Variants in DAO observed in about 807,000 individuals in gnomAD.
The protein encoded by DAO is D-amino acid oxidase, also known as D-amino-acid oxidase.
In DAO, 51 loss-of-function variants were observed where a neutral mutation model predicts 50.1. That is an observed-to-expected ratio of 1.02 (90% CI 0.81 to 1.29). DAO has a LOEUF of 1.29. DAO is among the 50% of genes most tolerant of loss of function. DAO has a pLI of 0.00. For synonymous variants in DAO, 160 were observed against 166.2 expected (o/e 0.96, Z 0.29); for missense variants, 436 against 439.4 (o/e 0.99, Z 0.07).
chr12:108,892,368 G>A lies in DAO; in HGVS notation c.453-614G>A, dbSNP rs545486409. On this transcript the variant is annotated intron_variant, in intron 5 of 10. Coordinates refer to ENST00000228476, the MANE Select transcript of DAO (RefSeq NM_001917.5). ...TTGTTAGTAGAGACGGGGTTTCACC[G>A]TCTTAGCCAGGATGGTCTCAATCTC... Among the ~76,000 whole-genome samples, 35 of 151,612 alleles carry A rather than the reference G, an allele frequency of 2.3e-4. No individual in the cohort carries two copies. In the South Asian group the frequency reaches 2.9e-3, roughly 13 times the overall value.
Position 108,883,461 on chromosome 12 carries a change from T to C in DAO, c.-9-1537T>C, listed in dbSNP as rs149005151. Among the ~76,000 whole-genome samples, 10 of 152,376 alleles carry C rather than the reference T, an allele frequency of 6.6e-5. No individual in the cohort carries two copies. In the East Asian group the frequency reaches 1.9e-3, roughly 29 times the overall value. On this transcript the variant is annotated intron_variant, in intron 1 of 10. Transcript: ENST00000228476. ...GCAGCTGGTCCTCCCTCTCTCCTTT[T>C]GTTCCTGCAATGTCTTTGTTCTATG...
intron 7 of DAO, among the ~76,000 whole-genome samples, chr12:108,896,539 G>A (rs1203944413): frequency 1.3e-5 from 2 of 151,830 alleles, no homozygotes; most frequent in African/African-American, 4.8e-5. Flanking sequence ...TGAAAGGGCT[G>A]GTTTCTGCTT....
rs2039447651 is a variant in DAO, at chr12:108,887,498, T to G, written c.243T>G (p.Ser81=). The G allele has an allele frequency of 3.7e-6, 6 of 1,614,104 alleles. No homozygotes were observed. Among genetic ancestry groups the G allele is most frequent in the Non-Finnish European group, 4.2e-6 (5 of 1,180,020 alleles). The part of the protein sequence containing the change: ...TFDYLLSHVH[S]PNAENLGLFL... ...ACTATCTCCTGAGCCATGTCCATTCTCCCAACGCTGAAAACCTGGGCCTGT... is the reference window on the plus strand; with the variant it reads ...ACTATCTCCTGAGCCATGTCCATTCGCCCAACGCTGAAAACCTGGGCCTGT... Residue 81 remains serine (S), a synonymous_variant, in exon 3 of 11, where the codon TCT becomes TCG. Transcript: ENST00000228476.
At chr12:108,895,492 T>C (rs976937101) in intron 7 of DAO, among the ~76,000 whole-genome samples, 7 of 140,070 alleles carry the variant, frequency 5.0e-5, no homozygotes, top group South Asian at 2.3e-4. Flanking sequence ...TGTGAGGGTG[T>C]ATGTGCATAT....
rs961313358 is a variant in DAO at position 108,891,345 on chromosome 12, G to A, written c.452+1072G>A. ...CATGCCTGTAGTCACAGCTACTTAG[G>A]AGGCTGAGGTGGGAGGATGGCTTTA... On this transcript the variant is annotated intron_variant, in intron 5 of 10. Coordinates refer to ENST00000228476, the MANE Select transcript of DAO (RefSeq NM_001917.5). Among the ~76,000 whole-genome samples, 4 of 151,608 alleles carry A rather than the reference G, an allele frequency of 2.6e-5. No individual in the cohort carries two copies. The South Asian group carries it at 8.3e-4, about 32-fold the overall frequency.
At chr12:108,899,063 G>C (rs1176568886) in intron 9 of DAO, among the ~76,000 whole-genome samples, 1 of 152,154 alleles carries the variant, frequency 6.6e-6, no homozygotes, top group African/African-American at 2.4e-5. Flanking sequence ...GGATGAGTTG[G>C]TACTGATGGT....
rs1020896775 is a variant in DAO at position 108,900,711 on chromosome 12, C to T, written c.*176C>T. The T allele has an allele frequency of 1.8e-5, 14 of 757,566 alleles. No individual in the cohort carries two copies. The East Asian group carries it at 4.3e-4, about 23-fold the overall frequency. 46.9% of individuals were successfully genotyped at this position (757,566 alleles called of 1,614,324 possible). On this transcript the variant is annotated 3_prime_UTR_variant, in exon 11 of 11. Coordinates refer to ENST00000228476, the MANE Select transcript of DAO (RefSeq NM_001917.5). ...AGAAGGGTTCAGCCCAACATGGGGC[C>T]CCTCTCATCACTGAAATCCCTCTAC...
rs2137348871 is a variant in DAO at position 108,889,495 on chromosome 12, G to A, written c.336G>A (p.Leu112=). The A allele has an allele frequency of 1.2e-6, 2 of 1,612,922 alleles. No homozygotes were observed. The highest frequency in any genetic ancestry group is 8.5e-7 in the Non-Finnish European group (1 of 1,179,340). ...ACCCTTCCTGGAAGGACACAGTTCT[G>A]GGATTTCGGAAGCTGACCCCCAGAG... ...IPDPSWKDTV[L]GFRKLTPREL... Residue 112 remains leucine, a synonymous_variant, in exon 4 of 11, where the codon CTG becomes CTA. Coordinates refer to ENST00000228476, the MANE Select transcript of DAO (RefSeq NM_001917.5).
intron 1 of DAO, among the ~76,000 whole-genome samples, chr12:108,882,454 A>C (rs527615143): frequency 1.6e-3 from 238 of 152,326 alleles, no homozygotes; most frequent in Middle Eastern, 0.01. Context: ...CAGAGTCTGC[A>C]GTGAGCCAAG....
intron 5 of DAO, 135 bp from the exon 6 acceptor site, chr12:108,892,847 G>A (rs1593163502): frequency 1.3e-6 from 1 of 779,146 alleles, no homozygotes; most frequent in East Asian, 2.6e-5. Flanking sequence ...TGATGACACA[G>A]CCATCTTCTC....
chr12:108,889,933 TCTC>T (rs769387703), intron 4 of DAO, among the ~76,000 whole-genome samples: 18 of 152,146 alleles, frequency 1.2e-4, no homozygotes, highest in Non-Finnish European at 2.4e-4. Context: ...TCTCTGGTCT[TCTC>T]CTCACCCCAC....
chr12:108,897,077 C>T lies in DAO; in HGVS notation c.684C>T (p.Tyr228=). The T allele has an allele frequency of 6.2e-7, 1 of 1,613,202 alleles. No homozygotes were observed. The highest frequency in any genetic ancestry group is 8.5e-7 in the Non-Finnish European group (1 of 1,179,194). Residue 228 remains tyrosine (Y), a synonymous_variant, in exon 8 of 11, where the codon TAC becomes TAT. Coordinates refer to ENST00000228476, the MANE Select transcript of DAO (RefSeq NM_001917.5). The stretch of plus-strand genomic sequence containing the variant: ...AGAGAGGCATCTACAATTCCCCGTA[C>T]ATCATCCCAGGGTAAAATTGGACTG... ...DPERGIYNSP[Y]IIPGTQTVTL...
At chr12:108,898,894 G>C (rs987849218) in intron 9 of DAO, 98 bp downstream of exon 9, 5 of 787,632 alleles carry the variant, frequency 6.3e-6, no homozygotes, top group Non-Finnish European at 1.1e-5. Context: ...TGGGATAACT[G>C]GGCAAATTAA....
Position 108,899,719 on chromosome 12 carries a change from A to G in DAO, c.912+244A>G, listed in dbSNP as rs543830436. 9.9e-5 allele frequency: 54 copies of G among 544,636 alleles called. 1 individual carries two copies. Among genetic ancestry groups the G allele is most frequent in the Middle Eastern group, 5.1e-4 (1 of 1,974 alleles). The allele number at this position is 544,636 out of a possible 1,614,324, so 33.7% of individuals were successfully genotyped here. ...AATGGAGGTGGTGCTGATGAGATCA[A>G]TGTTGATAATGGTGTGACTGGGAGT... is the stretch of plus-strand genomic sequence containing the variant. On this transcript the variant is annotated intron_variant, in intron 10 of 10. Transcript: ENST00000228476.
At chr12:108,890,909 C>T (rs1247860636) in intron 5 of DAO, among the ~76,000 whole-genome samples, 1 of 152,156 alleles carries the variant, frequency 6.6e-6, no homozygotes, top group Non-Finnish European at 1.5e-5. Flanking sequence ...AGCTCTGCCT[C>T]CTGGGTTCAT....
Position 108,897,090 on chromosome 12 carries a change from TA to T in DAO, c.695+6del. The T allele has an allele frequency of 6.2e-7, 1 of 1,611,002 alleles. No individual in the cohort carries two copies. The highest frequency in any genetic ancestry group is 8.5e-7 in the Non-Finnish European group (1 of 1,177,270). Reference sequence around the variant, plus strand: ...CAATTCCCCGTACATCATCCCAGGGTAAAATTGGACTGTTCTCGGGCAGAAG... The same window carrying T: ...CAATTCCCCGTACATCATCCCAGGGTAAATTGGACTGTTCTCGGGCAGAAG... On this transcript the variant is annotated splice_donor_region_variant and intron_variant, in intron 8 of 10. Transcript: ENST00000228476.
At chr12:108,892,697 A>G (rs994208950) in intron 5 of DAO, among the ~76,000 whole-genome samples, 2 of 151,800 alleles carry the variant, frequency 1.3e-5, no homozygotes, top group African/African-American at 2.4e-5. Context: ...TTGAGTTCCA[A>G]CTCCATCATT....
chr12:108,889,014 A>G (rs776234257), intron 3 of DAO, among the ~76,000 whole-genome samples: 3 of 152,192 alleles, frequency 2.0e-5, no homozygotes, highest in Non-Finnish European at 4.4e-5. Context: ...ATCCACCCCA[A>G]TGGCTTCTTG....
chr12:108,887,704 T>C lies in DAO; in HGVS notation c.309+140T>C, dbSNP rs961810349. 31 of 718,520 alleles carry C rather than the reference T, an allele frequency of 4.3e-5. No homozygotes were observed. In the East Asian group the frequency reaches 7.5e-4, roughly 17 times the overall value. The allele number at this position is 718,520 out of a possible 1,614,324, so 44.5% of individuals were successfully genotyped here. A position where few individuals can be genotyped will look rare whatever the true frequency, so the allele number is the denominator to read the frequency against. ...AACAGACTCCTGGGTTCAAAACAGG[T>C]TTGGTTTAAATTCTATTTTTGCTTT... On this transcript the variant is annotated intron_variant, in intron 3 of 10. Coordinates refer to ENST00000228476, the MANE Select transcript of DAO (RefSeq NM_001917.5).
Sources: gnomAD v4.1 joint callset for allele counts (sites outside exome capture counted in the v4.1 genomes callset) on GRCh38, gnomAD v4.1.1 for gene constraint, MANE v1.5 for transcripts, NCBI Gene and HGNC (gene_info 2026-07-23, HGNC 2026-07-21) for gene names.